FECH: variants seen among roughly 807,000 people sequenced by gnomAD.
The protein encoded by FECH is ferrochelatase, also known as ferrochelatase, mitochondrial.
FECH carries 40 observed loss-of-function variants against 56.9 expected under a neutral mutation model. The ratio of observed to expected loss-of-function variants is 0.70; its 90% confidence interval spans 0.55 to 0.92. The LOEUF is 0.92. Ranked by LOEUF, FECH falls within the 40% of genes least tolerant of loss-of-function variation. The pLI is 0.00. For synonymous variants in FECH, 175 were observed against 198.6 expected (o/e 0.88, Z 1.00); for missense variants, 431 against 529.1 (o/e 0.81, Z 1.82).
chr18:57,575,307 G>A (rs371733455), intron 2 of FECH, among the ~76,000 whole-genome samples: 1 of 152,186 alleles, frequency 6.6e-6, no homozygotes, highest in Non-Finnish European at 1.5e-5. Context: ...ACGCTGAGGG[G>A]TCTACTTCCT....
At chr18:57,578,892 T>C (rs1018340471) in intron 2 of FECH, among the ~76,000 whole-genome samples, 1 of 144,052 alleles carries the variant, frequency 6.9e-6, no homozygotes, top group Non-Finnish European at 1.5e-5. Flanking sequence ...TTGGGAGGTG[T>C]AGGTTGCAGT....
At chr18:57,558,305 A>G (rs2050894053) in intron 7 of FECH, among the ~76,000 whole-genome samples, 1 of 152,260 alleles carries the variant, frequency 6.6e-6, no homozygotes, top group African/African-American at 2.4e-5. Flanking sequence ...TTCCAACAAT[A>G]CAACAGCTAT....
chr18:57,572,001 A>G (rs1193196581), intron 3 of FECH, among the ~76,000 whole-genome samples: 1 of 152,270 alleles, frequency 6.6e-6, no homozygotes, highest in East Asian at 1.9e-4. Flanking sequence ...GCAACACTGT[A>G]AACAAACTAA....
chr18:57,585,072 A>T (rs567478390), intron 1 of FECH, among the ~76,000 whole-genome samples: 1 of 152,106 alleles, frequency 6.6e-6, no homozygotes, highest in South Asian at 2.1e-4. Flanking sequence ...CAAGAAAAAA[A>T]ATAATTCATA....
chr18:57,585,739 G>A (rs1406024631), intron 1 of FECH: 1 of 152,162 alleles, frequency 6.6e-6, no homozygotes, highest in African/African-American at 2.4e-5. Context: ...CATCTTATTC[G>A]TGGCAGCCTT....
chr18:57,586,489 G>T, intron 1 of FECH, 65 bp downstream of exon 1: 1 of 1,488,096 alleles, frequency 6.7e-7, no homozygotes, highest in Non-Finnish European at 9.0e-7. Context: ...GGCGCCAGCT[G>T]CCCGCTCTGC....
rs1555681607 is a variant in FECH at position 57,579,289 on chromosome 18, A to ATATGTGTGTGTGTG, written c.194+783_194+784insCACACACACACATA. On this transcript the variant is annotated intron_variant, in intron 2 of 10. Coordinates refer to ENST00000262093, the MANE Select transcript of FECH (RefSeq NM_000140.5). ...TATATATATATGTGTGTGTGTATAT[A>ATATGTGTGTGTGTG]TGTGTGTGTGTGTGTGTGTGTGTGT... Among the ~76,000 whole-genome samples the ATATGTGTGTGTGTG allele has an allele frequency of 9.9e-4, 140 of 141,990 alleles. No individual in the cohort carries two copies. In the Middle Eastern group the frequency reaches 0.011, roughly 11 times the overall value. 93.2% of individuals were successfully genotyped at this position (141,990 alleles called of 152,430 possible). A position where few individuals can be genotyped will look rare whatever the true frequency, so the allele number is the denominator to read the frequency against.
At chr18:57,554,185 T>C (rs1403883382) in intron 9 of FECH, 75 bp downstream of exon 9, 8 of 1,456,484 alleles carry the variant, frequency 5.5e-6, no homozygotes, top group East Asian at 4.5e-5. Context: ...TTCTGAATGA[T>C]ACATTAGTTA....
At chr18:57,564,384 C>T (rs1249859675) in intron 5 of FECH, among the ~76,000 whole-genome samples, 3 of 152,148 alleles carry the variant, frequency 2.0e-5, no homozygotes, top group Admixed American at 1.3e-4. Context: ...TTTTTCCTGT[C>T]TAGGGGAGTT....
At chr18:57,579,341 TCAAA>T (rs1396300282) in intron 2 of FECH, among the ~76,000 whole-genome samples, 1 of 150,758 alleles carries the variant, frequency 6.6e-6, no homozygotes, top group African/African-American at 2.4e-5. Context: ...ATAATTTTCA[TCAAA>T]CAATGTGTGA....
chr18:57,560,713 A>G (rs2050933278), intron 6 of FECH, among the ~76,000 whole-genome samples: 1 of 152,188 alleles, frequency 6.6e-6, no homozygotes, highest in Non-Finnish European at 1.5e-5. Context: ...TACTATTCTT[A>G]ATCTTGTAAC....
intron 2 of FECH, among the ~76,000 whole-genome samples, chr18:57,575,438 CTTTT>C (rs1210457639): frequency 6.6e-6 from 1 of 151,986 alleles, no homozygotes; most frequent in South Asian, 2.1e-4. Context: ...ATGATGACAT[CTTTT>C]TTGTTTTTGT....
intron 2 of FECH, among the ~76,000 whole-genome samples, chr18:57,579,287 A>ATG (rs201260921): frequency 0.022 from 2,002 of 89,088 alleles, 31 homozygotes; most frequent in Non-Finnish European, 0.04. Context: ...GTGTGTGTAT[A>ATG]TATGTGTGTG....
chr18:57,549,681 A>G lies in FECH; in HGVS notation c.*1031T>C, dbSNP rs947834069. 2.3e-4 allele frequency: 35 copies of G among 152,218 alleles called. No homozygotes were observed. Among genetic ancestry groups the G allele is most frequent in the African/African-American group, 8.2e-4 (34 of 41,454 alleles). The allele number at this position is 152,218 out of a possible 1,614,324, so 9.4% of individuals were successfully genotyped here. A position where few individuals can be genotyped will look rare whatever the true frequency, so the allele number is the denominator to read the frequency against. ...ACAGGAAAGGACTACCACGAAATAC[A>G]ATATTATGATAACAGTTATTGCATT... is the stretch of plus-strand genomic sequence containing the variant. On this transcript the variant is annotated 3_prime_UTR_variant, in exon 11 of 11. Coordinates refer to ENST00000262093, the MANE Select transcript of FECH (RefSeq NM_000140.5).
At chr18:57,584,423 G>A (rs1237199086) in intron 1 of FECH, among the ~76,000 whole-genome samples, 1 of 150,776 alleles carries the variant, frequency 6.6e-6, no homozygotes, top group Non-Finnish European at 1.5e-5. Flanking sequence ...GACTTAAGAA[G>A]TTCCTAAGTT....
chr18:57,568,112 TGA>T (rs1315640700), intron 4 of FECH, among the ~76,000 whole-genome samples: 1 of 152,242 alleles, frequency 6.6e-6, no homozygotes, highest in African/African-American at 2.4e-5. Flanking sequence ...CTTGGTGATT[TGA>T]GCTGAGGTTT....
rs147118663 is a variant in FECH at position 57,574,920 on chromosome 18, C to T, written c.195-1555G>A. Among the ~76,000 whole-genome samples, 29 of 152,324 alleles carry T rather than the reference C, an allele frequency of 1.9e-4. No individual in the cohort carries two copies. The East Asian group carries it at 3.3e-3, about 17-fold the overall frequency. On this transcript the variant is annotated intron_variant, in intron 2 of 10. Coordinates refer to ENST00000262093, the MANE Select transcript of FECH (RefSeq NM_000140.5). The stretch of plus-strand genomic sequence containing the variant: ...CATAAGGAAAGGCAGGAAACCATCA[C>T]GACTATCTAACTCCAGGACATCTTT...
rs550820935 is a variant in FECH at position 57,580,081 on chromosome 18, C to T, written c.186G>A (p.Pro62=). Residue 62 remains proline, a synonymous_variant, in exon 2 of 11, where the codon CCG becomes CCA. Coordinates refer to ENST00000262093, the MANE Select transcript of FECH (RefSeq NM_000140.5). The part of the protein sequence containing the change: ...HAQGAKPQVQ[P]QKRKPKTGIL... ...TGATGTTAGACTCATACCTCTTCTG[C>T]GGTTGAACTTGAGGTTTTGCACCCT... 1.3e-5 allele frequency: 21 copies of T among 1,614,046 alleles called. No individual in the cohort carries two copies. The highest frequency in any genetic ancestry group is 3.3e-4 in the Middle Eastern group (2 of 5,990).
chr18:57,558,011 C>G (rs1009614147), intron 7 of FECH, among the ~76,000 whole-genome samples: 1 of 152,218 alleles, frequency 6.6e-6, no homozygotes, highest in East Asian at 1.9e-4. Flanking sequence ...ACCGTCCACA[C>G]GAGGCCCAGC....
Sources: allele counts gnomAD v4.1 joint callset (sites outside exome capture counted in the v4.1 genomes callset), GRCh38; gene constraint gnomAD v4.1.1; transcripts MANE v1.5; gene names NCBI Gene and HGNC (gene_info 2026-07-23, HGNC 2026-07-21).